Variants in ANK3 observed in about 807,000 individuals in gnomAD.
ANK3 encodes the protein ankyrin 3.
Under a neutral mutation model 370.9 loss-of-function variants are expected in ANK3, and 57 were observed. The ratio of observed to expected loss-of-function variants is 0.15; its 90% confidence interval spans 0.12 to 0.19. The LOEUF (loss-of-function observed/expected upper bound fraction) is 0.19. ANK3 is among the 10% of genes least tolerant of loss of function. ANK3 has a pLI of 1.00. For missense variants in ANK3, 4,439 were observed against 5,302.1 expected (o/e 0.84, Z 5.06); for synonymous variants, 1,929 against 1,946.3 (o/e 0.99, Z 0.23).
chr10:60,732,615 C>G (rs2080039602), intron 1 of ANK3, among the ~76,000 whole-genome samples: 2 of 152,130 alleles, frequency 1.3e-5, no homozygotes. Context: ...CTGCTCTGCA[C>G]GTTTCTGTCT....
intron 42 of ANK3, among the ~76,000 whole-genome samples, chr10:60,047,146 T>C (rs1486818990): frequency 6.6e-6 from 1 of 152,152 alleles, no homozygotes; most frequent in African/African-American, 2.4e-5. Context: ...ACTTAGTATT[T>C]TTAAGTAAAC....
At chr10:60,675,247 GA>G (rs2079110086) in intron 1 of ANK3, among the ~76,000 whole-genome samples, 1 of 152,158 alleles carries the variant, frequency 6.6e-6, no homozygotes, top group Admixed American at 6.5e-5. Context: ...AATCAAGTTT[GA>G]AAAACATTGC....
intron 1 of ANK3, among the ~76,000 whole-genome samples, chr10:60,628,660 G>A (rs1027228111): frequency 1.3e-5 from 2 of 152,112 alleles, no homozygotes; most frequent in Non-Finnish European, 2.9e-5. Context: ...CACAATTTCA[G>A]AGGAAGAATT....
intron 1 of ANK3, among the ~76,000 whole-genome samples, chr10:60,338,576 G>T (rs1398971727): frequency 6.6e-6 from 1 of 152,098 alleles, no homozygotes; most frequent in African/African-American, 2.4e-5. Flanking sequence ...ACATGTATTG[G>T]GCAATGGAAA....
intron 2 of ANK3, among the ~76,000 whole-genome samples, chr10:60,562,704 G>T (rs945832276): frequency 1.1e-4 from 16 of 152,088 alleles, no homozygotes; most frequent in African/African-American, 3.9e-4. Flanking sequence ...GAGGTTGAAA[G>T]AAATTTCTAG....
intron 2 of ANK3, among the ~76,000 whole-genome samples, chr10:60,600,209 T>C (rs75850022): frequency 1.3e-5 from 2 of 152,222 alleles, no homozygotes; most frequent in African/African-American, 4.8e-5. Flanking sequence ...TCTGTACTCA[T>C]ACAGTGTCTT....
intron 2 of ANK3, among the ~76,000 whole-genome samples, chr10:60,529,297 G>C (rs1431174065): frequency 6.6e-6 from 1 of 152,074 alleles, no homozygotes; most frequent in Non-Finnish European, 1.5e-5. Flanking sequence ...CTTTCAGAAG[G>C]CTCTGAAACA....
intron 1 of ANK3, among the ~76,000 whole-genome samples, chr10:60,336,685 GAAGTT>G (rs1278776780): frequency 6.6e-6 from 1 of 152,156 alleles, no homozygotes; most frequent in African/African-American, 2.4e-5. Flanking sequence ...ACTAAAAAAA[GAAGTT>G]AAATGTGCAT....
intron 28 of ANK3, among the ~76,000 whole-genome samples, chr10:60,101,999 T>C (rs1272021999): frequency 6.6e-6 from 1 of 151,750 alleles, no homozygotes; most frequent in Non-Finnish European, 1.5e-5. Context: ...GAGTCAGAAG[T>C]CCAGGTTTGG....
At chr10:60,695,162 T>C (rs1227908631) in intron 1 of ANK3, among the ~76,000 whole-genome samples, 3 of 152,136 alleles carry the variant, frequency 2.0e-5, no homozygotes, top group African/African-American at 7.2e-5. Context: ...GTCCATTACA[T>C]AATGGTAAAG....
At position 60,667,874 on chromosome 10, in the gene ANK3, C is replaced by T. The variant is rs114018494; in HGVS notation, c.58-52650G>A. Among the ~76,000 whole-genome samples, 496 of 151,552 alleles carry T rather than the reference C, an allele frequency of 3.3e-3. 27 individuals carry two copies. The highest frequency in any genetic ancestry group is 0.012 in the African/African-American group (472 of 40,882). ...CTTTCCTGGTTAGAGCAATGTTTCT[C>T]AATATTTAGCTTGCAACAGAATCAC... On this transcript the variant is annotated intron_variant, in intron 1 of 43. Coordinates refer to the ANK3 transcript ENST00000373827.
At chr10:60,504,676 G>C (rs1170614204) in intron 2 of ANK3, among the ~76,000 whole-genome samples, 1 of 152,168 alleles carries the variant, frequency 6.6e-6, no homozygotes. Flanking sequence ...TAGTTTGCAT[G>C]AAGTATGGGG....
chr10:60,258,494 A>G (rs2097765732), intron 7 of ANK3, among the ~76,000 whole-genome samples: 1 of 152,258 alleles, frequency 6.6e-6, no homozygotes, highest in East Asian at 1.9e-4. Context: ...AGAAGTATAC[A>G]TTCACCACTG....
chr10:60,681,963 A>G (rs1362415554), intron 1 of ANK3, among the ~76,000 whole-genome samples: 2 of 152,094 alleles, frequency 1.3e-5, no homozygotes, highest in Admixed American at 6.5e-5. Context: ...ACCAGCCTGG[A>G]CAATATAGCA....
chr10:60,526,374 G>A (rs1400537627), intron 2 of ANK3, among the ~76,000 whole-genome samples: 1 of 152,108 alleles, frequency 6.6e-6, no homozygotes, highest in East Asian at 1.9e-4. Flanking sequence ...ATCAATCTCA[G>A]CTGAGGCGAT....
intron 29 of ANK3, 149 bp from the exon 30 acceptor site, chr10:60,087,033 T>C (rs2086900933): frequency 3.1e-6 from 2 of 652,346 alleles, no homozygotes; most frequent in Non-Finnish European, 5.1e-6. Context: ...TAACCTTTCT[T>C]ACTATTTTAG....
rs747420667 is a variant in ANK3, at chr10:60,082,699, A to T, written c.4239T>A (p.Ser1413=). ...DTSQEPCGRL[S]FLKEPKTTKG... ...TTGTTGTCTTTGGTTCTTTCAGAAA[A>T]GACAGACGACCACAGGGCTCTTGGC... The change falls in exon 34 of 44, where the codon TCT becomes TCA. Residue 1413 remains serine (S), a synonymous_variant. Coordinates refer to ENST00000280772, the MANE Select transcript of ANK3 (RefSeq NM_020987.5). The T allele has an allele frequency of 1.2e-5, 19 of 1,614,082 alleles. No individual in the cohort carries two copies. The highest frequency in any genetic ancestry group is 2.2e-5 in the South Asian group (2 of 91,072).
intron 2 of ANK3, among the ~76,000 whole-genome samples, chr10:60,403,023 C>G (rs1030880258): frequency 6.6e-6 from 1 of 151,922 alleles, no homozygotes; most frequent in African/African-American, 2.4e-5. Flanking sequence ...ACTATCACTA[C>G]AAAACATATA....
rs2097569133 is a variant in ANK3, at chr10:60,247,200, G to A, written c.799-12414C>T. Among the ~76,000 whole-genome samples the A allele has an allele frequency of 2.6e-5, 4 of 151,970 alleles. No homozygotes were observed. The South Asian group carries it at 6.2e-4, about 24-fold the overall frequency. Reference sequence around the variant, plus strand: ...CCAGCTAATTTTTTTGTATTTTTTAGTGGAGACGGGGTTTCACCATGTTAA... The same window carrying A: ...CCAGCTAATTTTTTTGTATTTTTTAATGGAGACGGGGTTTCACCATGTTAA... On this transcript the variant is annotated intron_variant, in intron 7 of 43. Transcript: ENST00000280772.
Sources: gnomAD v4.1 joint callset for allele counts (sites outside exome capture counted in the v4.1 genomes callset) on GRCh38, gnomAD v4.1.1 for gene constraint, MANE v1.5 for transcripts, NCBI Gene and HGNC (gene_info 2026-07-23, HGNC 2026-07-21) for gene names.